The following SLC27A6 variants were observed in gnomAD, a reference collection of about 807,000 sequenced individuals.
SLC27A6 encodes the protein long-chain fatty acid transport protein 6.
Under a neutral mutation model 63.9 loss-of-function variants are expected in SLC27A6, and 74 were observed. The ratio of observed to expected loss-of-function variants is 1.16; its 90% CI spans 0.96 to 1.40. The LOEUF (loss-of-function observed/expected upper bound fraction) is 1.40, where lower values mean the gene tolerates loss of function less well. Ranked by LOEUF, SLC27A6 falls within the 40% of genes most tolerant of loss-of-function variation. The probability of loss-of-function intolerance (pLI) is 0.00; values close to 1 mark genes in which losing one functional copy is unlikely to be tolerated. For synonymous variants in SLC27A6, 287 were observed against 260.8 expected (o/e 1.10, Z -0.97); for missense variants, 794 against 732.9 (o/e 1.08, Z -0.96).
rs567793300 is a variant in SLC27A6 at position 129,019,657 on chromosome 5, G to A, written c.1164+3578G>A. On this transcript the variant is annotated intron_variant, in intron 5 of 9. Transcript: ENST00000262462. ...ACAAAATGAACTAAAAAGTAAGCAC[G>A]CTCAGCTCAAAGAAAAAAATAGAGG... Among the ~76,000 whole-genome samples, 6 of 151,794 alleles carry A rather than the reference G, an allele frequency of 4.0e-5. No homozygotes were observed. In the South Asian group the frequency reaches 6.2e-4, roughly 16 times the overall value.
intron 5 of SLC27A6, among the ~76,000 whole-genome samples, chr5:129,021,116 C>T (rs983943250): frequency 2.7e-5 from 4 of 150,244 alleles, no homozygotes; most frequent in Admixed American, 1.3e-4. Context: ...CCAAAGCCCC[C>T]GGCCTACCTC....
intron 4 of SLC27A6, among the ~76,000 whole-genome samples, chr5:129,007,823 A>G (rs923608503): frequency 6.6e-6 from 1 of 152,146 alleles, no homozygotes; most frequent in Non-Finnish European, 1.5e-5. Flanking sequence ...TCTACTATCT[A>G]TAATGATGAA....
At chr5:128,999,723 C>T (rs1042523941) in intron 4 of SLC27A6, among the ~76,000 whole-genome samples, 1 of 152,114 alleles carries the variant, frequency 6.6e-6, no homozygotes, top group Non-Finnish European at 1.5e-5. Flanking sequence ...CTGTTCCCCC[C>T]CTGGATATTG....
chr5:128,987,653 T>G (rs258007), intron 2 of SLC27A6, among the ~76,000 whole-genome samples: 50,453 of 151,818 alleles, frequency 0.33, 8,991 homozygotes, highest in East Asian at 0.59. Flanking sequence ...GAGAACATAA[T>G]TGTTGGAAAA....
intron 1 of SLC27A6, among the ~76,000 whole-genome samples, chr5:128,981,232 C>G (rs1406354966): frequency 1.3e-5 from 2 of 152,142 alleles, no homozygotes; most frequent in Non-Finnish European, 2.9e-5. Flanking sequence ...ATAATCCCAG[C>G]ACTTTGGGAG....
chr5:129,020,156 G>T (rs935345256), intron 5 of SLC27A6, among the ~76,000 whole-genome samples: 1 of 152,124 alleles, frequency 6.6e-6, no homozygotes, highest in Non-Finnish European at 1.5e-5. Flanking sequence ...AAAAAGGAAA[G>T]AATTGGCTTC....
intron 1 of SLC27A6, 47 bp downstream of exon 1, chr5:128,966,665 G>A: frequency 7.1e-7 from 1 of 1,409,778 alleles, no homozygotes; most frequent in Non-Finnish European, 9.2e-7. Flanking sequence ...CAGCCCACCT[G>A]CTTTCATACC....
Position 129,033,140 on chromosome 5 carries a change from T to G in SLC27A6, c.1718T>G (p.Leu573Trp), listed in dbSNP as rs772265379. The G allele has an allele frequency of 3.1e-6, 5 of 1,608,444 alleles. No individual in the cohort carries two copies. Among genetic ancestry groups the G allele is most frequent in the Non-Finnish European group, 4.2e-6 (5 of 1,177,026 alleles). ...GAAGCAACAGGAACATTCAAACTAT[T>G]GAAGCATCAGTTGGTGGAAGATGGA... ...KMEATGTFKL[L>W]KHQLVEDGFN... Residue 573 changes from leucine to tryptophan, a missense_variant, in exon 10 of 10, where the codon TTG (leucine) becomes TGG (tryptophan). By Grantham distance (61) the Leu-to-Trp change is moderately conservative. Coordinates refer to ENST00000262462, the MANE Select transcript of SLC27A6 (RefSeq NM_001017372.3).
chr5:128,988,443 A>T (rs1055232884), intron 2 of SLC27A6, among the ~76,000 whole-genome samples, 157 bp from the exon 3 acceptor site: 4 of 152,222 alleles, frequency 2.6e-5, no homozygotes, highest in African/African-American at 9.6e-5. Flanking sequence ...TACAAAGCAG[A>T]TAGACTACTT....
At chr5:128,999,050 A>G (rs779839589) in intron 4 of SLC27A6, among the ~76,000 whole-genome samples, 44 of 152,140 alleles carry the variant, frequency 2.9e-4, no homozygotes, top group Admixed American at 5.2e-4. Flanking sequence ...CTAACCAACA[A>G]CCATGTCTTA....
chr5:128,981,379 G>T (rs1750579998), intron 1 of SLC27A6, among the ~76,000 whole-genome samples: 1 of 151,936 alleles, frequency 6.6e-6, no homozygotes, highest in South Asian at 2.1e-4. Flanking sequence ...TACTTGGGAG[G>T]CTGAGGTAGG....
At chr5:129,005,664 G>A (rs13161573) in intron 4 of SLC27A6, among the ~76,000 whole-genome samples, 1 of 138,968 alleles carries the variant, frequency 7.2e-6, no homozygotes, top group South Asian at 2.3e-4. Context: ...TCAGGCTGGA[G>A]TGCAGTGGCC....
intron 4 of SLC27A6, among the ~76,000 whole-genome samples, chr5:129,007,046 A>G (rs1314801262): frequency 1.3e-5 from 2 of 152,224 alleles, no homozygotes; most frequent in South Asian, 2.1e-4. Flanking sequence ...AAGAGATAAG[A>G]AGAAAATAAT....
In SLC27A6 at chr5:129,029,604, C is replaced by T; in HGVS notation, c.1580C>T (p.Ser527Phe). Residue 527 changes from serine (S) to phenylalanine (F), a missense_variant, in exon 9 of 10, where the codon TCT (serine) becomes TTT (phenylalanine). Physicochemically the swap from Ser to Phe is radical, Grantham distance 155 (BLOSUM62 -2). Coordinates refer to ENST00000262462, the MANE Select transcript of SLC27A6 (RefSeq NM_001017372.3). Reference protein sequence around the residue: ...SGYEGRAGMASIILKPNTSLD... With the variant: ...SGYEGRAGMAFIILKPNTSLD... ...TATGAAGGAAGAGCAGGAATGGCTT[C>T]TATTATTTTAAAACCAAATACATCT... is the stretch of plus-strand genomic sequence containing the variant. 1 of 1,586,496 alleles carries T rather than the reference C, an allele frequency of 6.3e-7. No individual in the cohort carries two copies. The highest frequency in any genetic ancestry group is 8.6e-7 in the Non-Finnish European group (1 of 1,168,812).
chr5:128,985,367 G>T, intron 2 of SLC27A6, 31 bp downstream of exon 2: 1 of 1,594,890 alleles, frequency 6.3e-7, no homozygotes, highest in Non-Finnish European at 8.6e-7. Flanking sequence ...AGGCTAAAAT[G>T]AATGCGAGAA....
chr5:128,977,121 T>A (rs561782702), intron 1 of SLC27A6, among the ~76,000 whole-genome samples: 1 of 152,188 alleles, frequency 6.6e-6, no homozygotes, highest in Non-Finnish European at 1.5e-5. Flanking sequence ...TGCAAAAATA[T>A]GCGAAGTAAA....
intron 3 of SLC27A6, among the ~76,000 whole-genome samples, chr5:128,990,019 G>C (rs1226891841): frequency 6.6e-6 from 1 of 151,820 alleles, no homozygotes; most frequent in African/African-American, 2.4e-5. Flanking sequence ...AATATTCTTG[G>C]CTTCTATGAA....
chr5:129,014,935 T>C (rs192185000), intron 4 of SLC27A6, among the ~76,000 whole-genome samples: 1 of 152,344 alleles, frequency 6.6e-6, no homozygotes, highest in Admixed American at 6.5e-5. Context: ...TGAGAATTCG[T>C]AGATTAAAAT....
rs1749872266 is a variant in SLC27A6, at chr5:128,966,026, G to C, written c.-112G>C. 7.8e-7 allele frequency: 1 copy of C among 1,281,436 alleles called. No individual in the cohort carries two copies. Among genetic ancestry groups the C allele is most frequent in the Non-Finnish European group, 1.0e-6 (1 of 960,324 alleles). The allele number at this position is 1,281,436 out of a possible 1,614,324, so 79.4% of individuals were successfully genotyped here. A position where few individuals can be genotyped will look rare whatever the true frequency, so the allele number is the denominator to read the frequency against. ...CCCGGAAAAGCTGACAAGAACTTCA[G>C]GTGTAAGCCCTGAGTAGTGAGGATC... On this transcript the variant is annotated 5_prime_UTR_variant, in exon 1 of 10. Transcript: ENST00000262462.
Sources: allele counts gnomAD v4.1 joint callset (sites outside exome capture counted in the v4.1 genomes callset), GRCh38; gene constraint gnomAD v4.1.1; transcripts MANE v1.5; gene names NCBI Gene and HGNC (gene_info 2026-07-23, HGNC 2026-07-21).